The following CCDC91 variants were observed in gnomAD, a reference collection of about 807,000 sequenced individuals.
CCDC91 encodes coiled-coil domain containing 91.
In CCDC91, 48 loss-of-function variants were observed where a neutral mutation model predicts 63.2. The ratio of observed to expected loss-of-function variants is 0.76; its 90% confidence interval spans 0.60 to 0.97. The LOEUF is 0.97. CCDC91 is among the 50% of genes least tolerant of loss of function. The probability of loss-of-function intolerance (pLI) is 0.00; values close to 1 mark genes in which losing one functional copy is unlikely to be tolerated. For synonymous variants in CCDC91, 167 were observed against 165.8 expected (o/e 1.01, Z -0.06); for missense variants, 500 against 494.6 (o/e 1.01, Z -0.10).
At chr12:28,444,519 G>A (rs764274781) in intron 8 of CCDC91, among the ~76,000 whole-genome samples, 1 of 152,120 alleles carries the variant, frequency 6.6e-6, no homozygotes, top group Non-Finnish European at 1.5e-5. Flanking sequence ...ACAAGATCAC[G>A]TGTTTGTGGG....
chr12:28,513,924 T>C (rs1592915534), intron 12 of CCDC91, among the ~76,000 whole-genome samples: 2 of 151,878 alleles, frequency 1.3e-5, no homozygotes, highest in South Asian at 2.1e-4. Flanking sequence ...AGTGGACATA[T>C]GCATGCATGT....
chr12:28,441,315 A>G (rs991377057), intron 8 of CCDC91, among the ~76,000 whole-genome samples: 2 of 151,958 alleles, frequency 1.3e-5, no homozygotes, highest in East Asian at 1.9e-4. Context: ...TTTTGGAAAA[A>G]GATTTGACAG....
intron 8 of CCDC91, among the ~76,000 whole-genome samples, chr12:28,400,688 C>G (rs909349576): frequency 6.6e-6 from 1 of 152,116 alleles, no homozygotes; most frequent in East Asian, 1.9e-4. Context: ...CCCAAGTCAC[C>G]ACTTGAATGC....
chr12:28,452,985 C>G (rs1165051826), intron 11 of CCDC91, among the ~76,000 whole-genome samples: 1 of 151,832 alleles, frequency 6.6e-6, no homozygotes, highest in African/African-American at 2.4e-5. Flanking sequence ...CATAGAGACA[C>G]ATACGCACAC....
intron 6 of CCDC91, among the ~76,000 whole-genome samples, chr12:28,328,031 A>G (rs1941174471): frequency 6.6e-6 from 1 of 152,024 alleles, no homozygotes; most frequent in Non-Finnish European, 1.5e-5. Flanking sequence ...ATATAGGGGC[A>G]CTCTGTTAAT....
rs1279376434 is a variant in CCDC91, at chr12:28,538,568, C to T, written c.1216-10495C>T. On this transcript the variant is annotated intron_variant, in intron 12 of 12. Transcript: ENST00000536442. ...TGTGAATAGTGCCACAATAAACATA[C>T]ATGTGCATGTGTCTTTATAGCAGCA... is the stretch of plus-strand genomic sequence containing the variant. Among the ~76,000 whole-genome samples the T allele has an allele frequency of 2.0e-5, 3 of 152,062 alleles. No homozygotes were observed. The South Asian group carries it at 6.2e-4, about 32-fold the overall frequency.
chr12:28,438,049 G>T (rs1007548490), intron 8 of CCDC91, among the ~76,000 whole-genome samples: 4 of 152,120 alleles, frequency 2.6e-5, no homozygotes, highest in Non-Finnish European at 5.9e-5. Flanking sequence ...AGAGTGTAAG[G>T]ATGTTTATGA....
intron 12 of CCDC91, among the ~76,000 whole-genome samples, chr12:28,537,083 A>G (rs1282648061): frequency 6.6e-6 from 1 of 152,160 alleles, no homozygotes; most frequent in Non-Finnish European, 1.5e-5. Flanking sequence ...GACCTGAGTT[A>G]AATTTGTTGT....
intron 3 of CCDC91, among the ~76,000 whole-genome samples, chr12:28,279,401 A>G (rs577855984): frequency 1.3e-5 from 2 of 152,264 alleles, no homozygotes; most frequent in East Asian, 1.9e-4. Context: ...CTAGGAGAGA[A>G]GTTCATAACT....
At chr12:28,338,275 T>C (rs1278506772) in intron 6 of CCDC91, among the ~76,000 whole-genome samples, 4 of 150,322 alleles carry the variant, frequency 2.7e-5, no homozygotes, top group Non-Finnish European at 5.9e-5. Flanking sequence ...TTTTTTCTTA[T>C]GTACTTATCA....
intron 7 of CCDC91, among the ~76,000 whole-genome samples, chr12:28,372,837 A>C (rs1412652725): frequency 6.6e-6 from 1 of 152,072 alleles, no homozygotes; most frequent in Non-Finnish European, 1.5e-5. Flanking sequence ...CTCTTGTCTG[A>C]TTGCTCTTGG....
At chr12:28,342,005 C>T (rs563338826) in intron 6 of CCDC91, among the ~76,000 whole-genome samples, 11 of 152,260 alleles carry the variant, frequency 7.2e-5, no homozygotes, top group African/African-American at 1.7e-4. Flanking sequence ...GGTGTAATTA[C>T]GATCTCAGAC....
chr12:28,351,710 A>G (rs1222717686), intron 6 of CCDC91, among the ~76,000 whole-genome samples: 1 of 150,516 alleles, frequency 6.6e-6, no homozygotes, highest in East Asian at 2.0e-4. Flanking sequence ...GCACATATTT[A>G]TAGCTTCCTA....
At chr12:28,240,298 T>A (rs1449554082) in intron 1 of CCDC91, among the ~76,000 whole-genome samples, 1 of 152,212 alleles carries the variant, frequency 6.6e-6, no homozygotes, top group Non-Finnish European at 1.5e-5. Context: ...TTTGTCTTAA[T>A]GCTTTAACGA....
chr12:28,499,357 T>TCTCTTATG (rs1555111118), intron 12 of CCDC91, among the ~76,000 whole-genome samples: 1 of 142,154 alleles, frequency 7.0e-6, no homozygotes, highest in Non-Finnish European at 1.6e-5. Flanking sequence ...ACCTCACTTT[T>TCTCTTATG]ATTATTATTA....
chr12:28,509,077 G>T (rs139005587), intron 12 of CCDC91, among the ~76,000 whole-genome samples: 1 of 151,988 alleles, frequency 6.6e-6, no homozygotes, highest in East Asian at 2.0e-4. Context: ...TCTATTTCAC[G>T]TAATGTGGAC....
At chr12:28,313,708 A>G (rs995512314) in intron 6 of CCDC91, among the ~76,000 whole-genome samples, 3 of 152,066 alleles carry the variant, frequency 2.0e-5, no homozygotes, top group Admixed American at 6.6e-5. Context: ...ACTCTATAGT[A>G]CAATGGGGGT....
intron 6 of CCDC91, among the ~76,000 whole-genome samples, chr12:28,351,999 A>G (rs1458566933): frequency 2.6e-5 from 4 of 152,148 alleles, no homozygotes; most frequent in Non-Finnish European, 4.4e-5. Context: ...TTGGTTCCAG[A>G]CTGCTGCAGT....
chr12:28,309,781 T>A (rs1380618983), intron 6 of CCDC91, among the ~76,000 whole-genome samples: 2 of 152,098 alleles, frequency 1.3e-5, no homozygotes, highest in Non-Finnish European at 2.9e-5. Context: ...CTCGCTGAAC[T>A]CTAGCTTCCT....
Sources: gnomAD v4.1 joint callset for allele counts (sites outside exome capture counted in the v4.1 genomes callset) on GRCh38, gnomAD v4.1.1 for gene constraint, MANE v1.5 for transcripts, NCBI Gene and HGNC (gene_info 2026-07-23, HGNC 2026-07-21) for gene names.